RAB2B: variants seen among roughly 807,000 people sequenced by gnomAD.
The protein encoded by RAB2B is RAB2B, member RAS oncogene family, also known as ras-related protein Rab-2B.
Under a neutral mutation model 29.8 loss-of-function variants are expected in RAB2B, and 20 were observed. The observed-to-expected ratio is 0.67, with a 90% CI of 0.47 to 0.97. The LOEUF (loss-of-function observed/expected upper bound fraction) is 0.97. Ranked by LOEUF, RAB2B falls within the 50% of genes least tolerant of loss-of-function variation. The pLI, the probability that RAB2B is intolerant of heterozygous loss-of-function variation, is 0.00. For missense variants in RAB2B, 218 were observed against 272.0 expected (o/e 0.80, Z 1.40); for synonymous variants, 93 against 91.7 (o/e 1.01, Z -0.08).
rs1403525712 is a variant in RAB2B, at chr14:21,460,366, C to G, written c.*830G>C. On this transcript the variant is annotated 3_prime_UTR_variant, in exon 8 of 8. Coordinates refer to ENST00000397762, the MANE Select transcript of RAB2B (RefSeq NM_032846.4). ...CTTTGGGAGGCCAAGGTGGGCGGAT[C>G]ACGAGGTCAAGAGATCAAGACCATC... The G allele has an allele frequency of 2.0e-6, 1 of 497,540 alleles. No individual in the cohort carries two copies. The allele number at this position is 497,540 out of a possible 1,614,324, so 30.8% of individuals were successfully genotyped here.
At chr14:21,472,731 TTTG>T (rs1890848981) in intron 3 of RAB2B, among the ~76,000 whole-genome samples, 3 of 152,124 alleles carry the variant, frequency 2.0e-5, no homozygotes, top group Non-Finnish European at 2.9e-5. Context: ...ACTTTCCTTT[TTTG>T]TTTGTTTTTC....
At chr14:21,468,222 T>C in intron 5 of RAB2B, 135 bp downstream of exon 5, 1 of 631,154 alleles carries the variant, frequency 1.6e-6, no homozygotes, top group Middle Eastern at 4.1e-4. Flanking sequence ...GTGTCATATA[T>C]ATTTTATCAC....
intron 5 of RAB2B, among the ~76,000 whole-genome samples, chr14:21,467,572 C>A (rs889056502): frequency 6.6e-6 from 1 of 152,100 alleles, no homozygotes; most frequent in African/African-American, 2.4e-5. Context: ...TGATAATAAC[C>A]AGTGTTGTTA....
At chr14:21,468,889 A>C in intron 3 of RAB2B, 137 bp from the exon 4 acceptor site, 1 of 471,140 alleles carries the variant, frequency 2.1e-6, no homozygotes, top group East Asian at 3.5e-5. Context: ...AATTAGGGAA[A>C]GAAAACATGC....
chr14:21,465,506 T>C (rs61973212), intron 5 of RAB2B, among the ~76,000 whole-genome samples: 4,288 of 152,270 alleles, frequency 0.028, 73 homozygotes, highest in African/African-American at 0.045. Flanking sequence ...ATCCTTTCTT[T>C]CTCTTTCCAG....
rs372779262 is a variant in RAB2B at position 21,476,339 on chromosome 14, A to G, written c.118+189T>C. 8.2e-5 allele frequency: 50 copies of G among 611,578 alleles called. No homozygotes were observed. In the South Asian group the frequency reaches 1.0e-3, roughly 12 times the overall value. The allele number at this position is 611,578 out of a possible 1,614,324, so 37.9% of individuals were successfully genotyped here. A position where few individuals can be genotyped will look rare whatever the true frequency, so the allele number is the denominator to read the frequency against. The stretch of plus-strand genomic sequence containing the variant: ...CTCTAAAAAGTTACCTTTCAATTAT[A>G]TACTCTCCCTTACACTACTCCCCAC... On this transcript the variant is annotated intron_variant, in intron 2 of 7. Transcript: ENST00000397762.
rs1413047156 is a variant in RAB2B at position 21,463,688 on chromosome 14, T to C, written c.442A>G (p.Thr148Ala). 2 of 1,613,924 alleles carry C rather than the reference T, an allele frequency of 1.2e-6. No homozygotes were observed. The highest frequency in any genetic ancestry group is 1.7e-6 in the Non-Finnish European group (2 of 1,179,914). ...AREHGLIFME[T>A]SAKTACNVEE... ...ACATTGCAGGCTGTTTTGGCTGAAG[T>C]TTCCATGAATATAAGTCCATGCTCC... Residue 148 changes from threonine to alanine, a missense_variant, in exon 6 of 8, where the codon ACT (threonine) becomes GCT (alanine). Thr to Ala is a moderately conservative substitution (Grantham distance 58, BLOSUM62 0). Coordinates refer to ENST00000397762, the MANE Select transcript of RAB2B (RefSeq NM_032846.4).
Position 21,474,864 on chromosome 14 carries a change from C to T in RAB2B, c.186+3G>A. 1.9e-6 allele frequency: 3 copies of T among 1,611,748 alleles called. No homozygotes were observed. The highest frequency in any genetic ancestry group is 2.5e-6 in the Non-Finnish European group (3 of 1,177,852). ...CAGAGACTAAATTATTTTGTACTCT[C>T]ACCGTATCCCAGATTTGCAGTTTGA... is the stretch of plus-strand genomic sequence containing the variant. On this transcript the variant is annotated splice_donor_region_variant and intron_variant, in intron 3 of 7. Transcript: ENST00000397762.
intron 6 of RAB2B, 99 bp downstream of exon 6, chr14:21,463,557 T>C (rs1470989439): frequency 2.1e-6 from 2 of 943,520 alleles, no homozygotes; most frequent in South Asian, 1.4e-5. Flanking sequence ...AAGACATCCT[T>C]TCTTTACCAA....
intron 5 of RAB2B, among the ~76,000 whole-genome samples, chr14:21,464,636 GA>G (rs1009381797): frequency 6.6e-6 from 1 of 151,258 alleles, no homozygotes; most frequent in African/African-American, 2.4e-5. Flanking sequence ...AAAATTAGGT[GA>G]AAAAAAAGAT....
At chr14:21,475,980 G>A (rs1371067933) in intron 2 of RAB2B, among the ~76,000 whole-genome samples, 1 of 152,240 alleles carries the variant, frequency 6.6e-6, no homozygotes, top group Admixed American at 6.5e-5. Context: ...AGCCTCTTCA[G>A]GCCATGCCTT....
intron 3 of RAB2B, among the ~76,000 whole-genome samples, chr14:21,472,865 T>C (rs553610088): frequency 6.7e-6 from 1 of 150,328 alleles, no homozygotes; most frequent in Admixed American, 6.6e-5. Flanking sequence ...TTCCATTAAA[T>C]GGCACTTATT....
rs1890618801 is a variant in RAB2B at position 21,463,630 on chromosome 14, TTTCCCC to T, written c.474+20_474+25del. 4 of 1,401,326 alleles carry T rather than the reference TTTCCCC, an allele frequency of 2.9e-6. No homozygotes were observed. The highest frequency in any genetic ancestry group is 4.1e-6 in the Non-Finnish European group (4 of 987,268). 86.8% of individuals were successfully genotyped at this position (1,401,326 alleles called of 1,614,324 possible). On this transcript the variant is annotated intron_variant, in intron 6 of 7. Coordinates refer to ENST00000397762, the MANE Select transcript of RAB2B (RefSeq NM_032846.4). ...AATAATGGTGTAATCTCTAAAGAGC[TTTCCCC>T]ACTGTTTTCCAAATAGTACCTCTTC...
chr14:21,468,545 A>G, intron 4 of RAB2B, 96 bp from the exon 5 acceptor site: 2 of 1,329,958 alleles, frequency 1.5e-6, no homozygotes, highest in Non-Finnish European at 2.1e-6. Flanking sequence ...CCATACGTGT[A>G]AAGAAAAATA....
chr14:21,463,448 T>C (rs1890614115), intron 6 of RAB2B, among the ~76,000 whole-genome samples: 1 of 152,084 alleles, frequency 6.6e-6, no homozygotes. Flanking sequence ...GGTTTCACCA[T>C]ATTGCCCAGG....
chr14:21,467,373 G>T (rs1021694562), intron 5 of RAB2B, among the ~76,000 whole-genome samples: 6 of 152,114 alleles, frequency 3.9e-5, no homozygotes, highest in African/African-American at 1.4e-4. Context: ...TGCCCAGGCT[G>T]GTCTTGAACT....
intron 3 of RAB2B, among the ~76,000 whole-genome samples, chr14:21,469,030 G>A (rs1890747606): frequency 6.7e-6 from 1 of 149,962 alleles, no homozygotes; most frequent in African/African-American, 2.5e-5. Context: ...CTAGATCCCA[G>A]TCACTAAATA....
intron 5 of RAB2B, among the ~76,000 whole-genome samples, chr14:21,464,863 C>T (rs1331188720): frequency 1.3e-5 from 2 of 151,940 alleles, no homozygotes; most frequent in Admixed American, 6.6e-5. Flanking sequence ...ATCAGCAGAG[C>T]GTGGTGACAC....
intron 7 of RAB2B, 132 bp downstream of exon 7, chr14:21,462,218 A>T (rs1029623086): frequency 1.4e-5 from 9 of 624,784 alleles, no homozygotes; most frequent in Non-Finnish European, 1.7e-5. Flanking sequence ...AAAAAAAAAA[A>T]AAGTGTTGAA....
Sources: gnomAD v4.1 joint callset for allele counts (sites outside exome capture counted in the v4.1 genomes callset) on GRCh38, gnomAD v4.1.1 for gene constraint, MANE v1.5 for transcripts, NCBI Gene and HGNC (gene_info 2026-07-23, HGNC 2026-07-21) for gene names.